The following XPR1 variants were observed in gnomAD, a reference collection of about 807,000 sequenced individuals.
XPR1 encodes solute carrier family 53 member 1.
In XPR1, 28 loss-of-function variants were observed where a neutral mutation model predicts 87.5. That is an observed-to-expected ratio of 0.32 (90% CI 0.24 to 0.44). The LOEUF (loss-of-function observed/expected upper bound fraction) is 0.44, where lower values mean the gene tolerates loss of function less well. Among genes scored for constraint, XPR1 ranks in the 20% least tolerant of loss-of-function variants. The pLI, the probability that XPR1 is intolerant of heterozygous loss-of-function variation, is 1.00. For missense variants in XPR1, 559 were observed against 862.3 expected (o/e 0.65, Z 4.41); for synonymous variants, 300 against 306.1 (o/e 0.98, Z 0.21).
At chr1:180,768,037 G>C (rs1014214448) in intron 2 of XPR1, among the ~76,000 whole-genome samples, 1 of 151,924 alleles carries the variant, frequency 6.6e-6, no homozygotes, top group South Asian at 2.1e-4. Flanking sequence ...GTAAAGACAC[G>C]GTTTCACTGT....
At chr1:180,825,489 A>G in intron 9 of XPR1, 145 bp downstream of exon 9, 1 of 759,546 alleles carries the variant, frequency 1.3e-6, no homozygotes, top group Non-Finnish European at 1.9e-6. Context: ...CCTGGGAAAA[A>G]GTACTCACGT....
intron 2 of XPR1, among the ~76,000 whole-genome samples, chr1:180,696,335 C>T (rs889644442): frequency 4.0e-5 from 6 of 151,422 alleles, no homozygotes; most frequent in Admixed American, 2.0e-4. Flanking sequence ...TACAACTTTA[C>T]GGAATTTATC....
chr1:180,774,384 C>CTTTTT (rs71121051), intron 2 of XPR1, among the ~76,000 whole-genome samples: 65 of 68,870 alleles, frequency 9.4e-4, no homozygotes, highest in East Asian at 2.4e-3. Flanking sequence ...TCTTTCCTAT[C>CTTTTT]TTTTTTTTTT....
intron 2 of XPR1, among the ~76,000 whole-genome samples, chr1:180,774,633 T>C (rs1409463147): frequency 1.3e-5 from 2 of 152,064 alleles, no homozygotes; most frequent in Non-Finnish European, 2.9e-5. Flanking sequence ...AGTCTCAATC[T>C]CCTGACCTCG....
At chr1:180,773,501 A>C (rs568338066) in intron 2 of XPR1, among the ~76,000 whole-genome samples, 1 of 152,350 alleles carries the variant, frequency 6.6e-6, no homozygotes, top group African/African-American at 2.4e-5. Context: ...TTCCTTTCAC[A>C]ATGGAAAACC....
In XPR1 at chr1:180,642,951, A is replaced by T. The variant is rs577820271; in HGVS notation, c.69+10681A>T. ...TTAGAGTAATAGAGAACAGAGACAA[A>T]GATGAGTGGAAGTATCCAAACATAG... On this transcript the variant is annotated intron_variant, in intron 1 of 14. Coordinates refer to ENST00000367590, the MANE Select transcript of XPR1 (RefSeq NM_004736.4). Among the ~76,000 whole-genome samples the T allele has an allele frequency of 8.8e-4, 134 of 152,282 alleles. 2 individuals carry two copies. The highest frequency in any genetic ancestry group is 8.6e-3 in the Admixed American group (132 of 15,282).
intron 1 of XPR1, among the ~76,000 whole-genome samples, chr1:180,667,612 T>C (rs1028316994): frequency 6.6e-6 from 1 of 152,224 alleles, no homozygotes; most frequent in Admixed American, 6.5e-5. Flanking sequence ...AATACTGGCC[T>C]CATAGCATGA....
intron 1 of XPR1, among the ~76,000 whole-genome samples, chr1:180,668,263 G>A (rs1557947936): frequency 6.6e-6 from 1 of 151,392 alleles, no homozygotes; most frequent in South Asian, 2.1e-4. Context: ...CAAGTAGTTG[G>A]GATTACAAGC....
intron 9 of XPR1, among the ~76,000 whole-genome samples, chr1:180,827,005 T>G (rs61811222): frequency 0.053 from 8,112 of 151,634 alleles, 309 homozygotes; most frequent in Non-Finnish European, 0.079. Flanking sequence ...AATATAAAAA[T>G]TAGCCGAGTG....
chr1:180,717,190 A>G (rs1183384403), intron 2 of XPR1, among the ~76,000 whole-genome samples: 1 of 152,094 alleles, frequency 6.6e-6, no homozygotes, highest in Admixed American at 6.6e-5. Flanking sequence ...AAGGTGTTTC[A>G]CCATGTTGGT....
At chr1:180,671,189 G>A (rs938668638) in intron 1 of XPR1, among the ~76,000 whole-genome samples, 1 of 152,202 alleles carries the variant, frequency 6.6e-6, no homozygotes. Context: ...GAGGAGTATG[G>A]ACTTTATTTT....
At chr1:180,697,799 G>A (rs538314045) in intron 2 of XPR1, among the ~76,000 whole-genome samples, 1 of 152,054 alleles carries the variant, frequency 6.6e-6, no homozygotes, top group African/African-American at 2.4e-5. Flanking sequence ...TTCCATTGTG[G>A]TCTGAGAAGT....
intron 11 of XPR1, among the ~76,000 whole-genome samples, chr1:180,859,379 A>ATACTGGATAGAAGCTTAGAG (rs1652144179): frequency 6.6e-6 from 1 of 152,176 alleles, no homozygotes; most frequent in Non-Finnish European, 1.5e-5. Flanking sequence ...TGTGGCAGGC[A>ATACTGGATAGAAGCTTAGAG]TATACTGGAT....
chr1:180,686,986 C>T (rs1224529214), intron 2 of XPR1, among the ~76,000 whole-genome samples: 1 of 152,052 alleles, frequency 6.6e-6, no homozygotes, highest in Non-Finnish European at 1.5e-5. Flanking sequence ...ATTTAATTCT[C>T]TAATATTTAA....
chr1:180,864,548 G>T (rs1652325111), intron 12 of XPR1, among the ~76,000 whole-genome samples: 1 of 152,060 alleles, frequency 6.6e-6, no homozygotes, highest in South Asian at 2.1e-4. Flanking sequence ...GACTCTGCTT[G>T]ATTGCATCAA....
intron 13 of XPR1, among the ~76,000 whole-genome samples, chr1:180,878,873 G>A (rs1424619640): frequency 2.0e-5 from 3 of 152,130 alleles, no homozygotes; most frequent in African/African-American, 7.2e-5. Flanking sequence ...TTAAGTGTTA[G>A]AGTGTTCCAG....
rs1557943543 is a variant in XPR1 at position 180,659,353 on chromosome 1, G to GTCCTTCCGTCCGTCCTTCCGTCCT, written c.70-22996_70-22995insGTCCTTCCGTCCTTCCTTCCGTCC. Among the ~76,000 whole-genome samples the GTCCTTCCGTCCGTCCTTCCGTCCT allele has an allele frequency of 1.1e-4, 7 of 62,272 alleles. 1 individual carries two copies. The highest frequency in any genetic ancestry group is 0.016 in the Middle Eastern group (1 of 62). The allele number at this position is 62,272 out of a possible 152,430, so 40.9% of individuals were successfully genotyped here. ...CTTCCTTCCTTCCGTCCTTCCTTCC[G>GTCCTTCCGTCCGTCCTTCCGTCCT]TCCTTCCGTCCTTCCGTCCGTCCTT... On this transcript the variant is annotated intron_variant, in intron 1 of 14. Transcript: ENST00000367590.
At chr1:180,882,537 A>T (rs376215197) in intron 14 of XPR1, among the ~76,000 whole-genome samples, 1 of 151,936 alleles carries the variant, frequency 6.6e-6, no homozygotes, top group Non-Finnish European at 1.5e-5. Context: ...TTTATTTTTT[A>T]TAGAGACAGG....
chr1:180,739,019 C>T (rs182785288), intron 2 of XPR1, among the ~76,000 whole-genome samples: 7 of 152,094 alleles, frequency 4.6e-5, no homozygotes, highest in Admixed American at 2.0e-4. Flanking sequence ...ATTTTCATTT[C>T]GCTCTGTCAT....
Sources: gnomAD v4.1 joint callset for allele counts (sites outside exome capture counted in the v4.1 genomes callset) on GRCh38, gnomAD v4.1.1 for gene constraint, MANE v1.5 for transcripts, NCBI Gene and HGNC (gene_info 2026-07-23, HGNC 2026-07-21) for gene names.